Variants in PCID2 observed in about 807,000 individuals in gnomAD.
PCID2 encodes the protein PCI domain-containing protein 2.
A neutral mutation model predicts 61.3 loss-of-function variants in PCID2; 41 were observed. That is an observed-to-expected ratio of 0.67 (90% confidence interval 0.52 to 0.87). The LOEUF (loss-of-function observed/expected upper bound fraction) is 0.87, where lower values mean the gene tolerates loss of function less well. Ranked by LOEUF, PCID2 falls within the 40% of genes least tolerant of loss-of-function variation. The pLI is 0.00. For missense variants in PCID2, 392 were observed against 493.4 expected (o/e 0.79, Z 1.95); for synonymous variants, 187 against 177.8 (o/e 1.05, Z -0.41).
chr13:113,194,460 C>G (rs749056434), intron 6 of PCID2, among the ~76,000 whole-genome samples: 1 of 152,126 alleles, frequency 6.6e-6, no homozygotes, highest in East Asian at 1.9e-4. Flanking sequence ...ATAGCCATGC[C>G]GGCCTGACAA....
chr13:113,178,175 C>A lies in PCID2; in HGVS notation c.*23G>T. 1.3e-6 allele frequency: 2 copies of A among 1,580,716 alleles called. No homozygotes were observed. Among genetic ancestry groups the A allele is most frequent in the Non-Finnish European group, 1.7e-6 (2 of 1,150,274 alleles). Reference sequence around the variant, plus strand: ...AAGTGGAAAGAAACAACTGCTCACCCGTCCTCGGGGCTCCGTGTACTTTCA... The same window carrying A: ...AAGTGGAAAGAAACAACTGCTCACCAGTCCTCGGGGCTCCGTGTACTTTCA... On this transcript the variant is annotated 3_prime_UTR_variant, in exon 14 of 14. Coordinates refer to ENST00000337344, the MANE Select transcript of PCID2 (RefSeq NM_001127202.4).
intron 1 of PCID2, chr13:113,208,235 A>C (rs143953654): frequency 5.4e-6 from 8 of 1,469,578 alleles, no homozygotes; most frequent in Non-Finnish European, 6.3e-6. Context: ...CATCCGACAC[A>C]GCACCGCCCA....
intron 8 of PCID2, 53 bp from the exon 9 acceptor site, chr13:113,184,540 GCAAAA>G: frequency 1.8e-6 from 2 of 1,082,352 alleles, no homozygotes; most frequent in African/African-American, 1.6e-5. Flanking sequence ...AAAACAGGTG[GCAAAA>G]CAAATTACTA....
At chr13:113,208,044 T>C in intron 1 of PCID2, 1 of 1,612,850 alleles carries the variant, frequency 6.2e-7, no homozygotes, top group Non-Finnish European at 8.5e-7. Flanking sequence ...ACAACATCTG[T>C]CAGACGCATG....
chr13:113,196,619 A>T (rs2039034944), intron 4 of PCID2, among the ~76,000 whole-genome samples: 1 of 152,252 alleles, frequency 6.6e-6, no homozygotes, highest in Admixed American at 6.5e-5. Flanking sequence ...GCTGTGAGCA[A>T]ATAGCCCAAC....
chr13:113,200,642 C>A, intron 1 of PCID2, 126 bp from the exon 2 acceptor site: 6 of 567,942 alleles, frequency 1.1e-5, no homozygotes, highest in South Asian at 1.9e-5. Flanking sequence ...GAAGACAGAA[C>A]AATCAAAATG....
chr13:113,170,611 A>T, the PCID2 span: 1 of 904,354 alleles, frequency 1.1e-6, no homozygotes. Context: ...CAAATTTAAA[A>T]CTGGACTGTT....
intron 7 of PCID2, among the ~76,000 whole-genome samples, chr13:113,189,955 G>A (rs1011914489): frequency 2.0e-5 from 3 of 151,858 alleles, no homozygotes; most frequent in South Asian, 2.1e-4. Context: ...CCCAGGAGGC[G>A]GAGGTTGCAG....
rs1595137989 is a variant in PCID2, at chr13:113,177,941, AAAG to A, written c.*254_*256del. The A allele has an allele frequency of 3.3e-6, 1 of 306,436 alleles. No individual in the cohort carries two copies. The highest frequency in any genetic ancestry group is 6.7e-5 in the East Asian group (1 of 14,974). 19.0% of individuals were successfully genotyped at this position (306,436 alleles called of 1,614,324 possible). A position where few individuals can be genotyped will look rare whatever the true frequency, so the allele number is the denominator to read the frequency against. ...GCAGCCTTCACGCAAAGCCTCCTTC[AAAG>A]AAGTCTCACAAAGACTCCAGAACCA... On this transcript the variant is annotated 3_prime_UTR_variant, in exon 14 of 14. Transcript: ENST00000337344.
chr13:113,195,168 C>T, intron 5 of PCID2, 43 bp from the exon 6 acceptor site: 1 of 1,226,968 alleles, frequency 8.2e-7, no homozygotes, highest in South Asian at 1.2e-5. Context: ...GCTACGTGGG[C>T]CAAGATTCCA....
At position 113,179,814 on chromosome 13, in the gene PCID2, C is replaced by A. The variant is rs2037460368; in HGVS notation, c.986+103G>T. The A allele has an allele frequency of 1.7e-6, 2 of 1,164,550 alleles. No individual in the cohort carries two copies. Among genetic ancestry groups the A allele is most frequent in the East Asian group, 5.1e-5 (2 of 38,954 alleles). 72.1% of individuals were successfully genotyped at this position (1,164,550 alleles called of 1,614,324 possible). A position where few individuals can be genotyped will look rare whatever the true frequency, so the allele number is the denominator to read the frequency against. On this transcript the variant is annotated intron_variant, in intron 12 of 13. Transcript: ENST00000337344. The surrounding 1 kb of genome is among the most constrained non-coding windows in gnomAD (Gnocchi z 4.3). The stretch of plus-strand genomic sequence containing the variant: ...CACAATGGAAGGAAGATAACGACCC[C>A]ACCCACACGGTGGCCTTCTCTCTTA...
chr13:113,173,988 G>A (rs1216659409), downstream of PCID2, among the ~76,000 whole-genome samples: 3 of 152,142 alleles, frequency 2.0e-5, no homozygotes, highest in African/African-American at 7.2e-5. Flanking sequence ...CAGCACTTTG[G>A]GAGGCTGAGG....
chr13:113,193,904 T>G (rs572181392), intron 6 of PCID2, among the ~76,000 whole-genome samples: 2 of 152,370 alleles, frequency 1.3e-5, no homozygotes, highest in South Asian at 4.1e-4. Context: ...TGCTGAATGT[T>G]TTTTCTCATT....
intron 8 of PCID2, 91 bp downstream of exon 8, chr13:113,185,394 C>A (rs1052770954): frequency 1.1e-6 from 1 of 888,446 alleles, no homozygotes; most frequent in Non-Finnish European, 1.9e-6. Flanking sequence ...ACAAGCAACG[C>A]CAGGGAGGCT....
chr13:113,178,409 G>C, intron 13 of PCID2, 122 bp from the exon 14 acceptor site: 1 of 654,016 alleles, frequency 1.5e-6, no homozygotes, highest in Non-Finnish European at 2.7e-6. Context: ...GTTCAGTTCA[G>C]CGGGAAGACA....
the PCID2 span, chr13:113,170,348 G>C: frequency 9.9e-7 from 1 of 1,005,668 alleles, no homozygotes; most frequent in Non-Finnish European, 1.6e-6. Flanking sequence ...CTATCCAGTA[G>C]ACTTTACTGC....
chr13:113,199,690 G>C (rs1050032538), intron 2 of PCID2, among the ~76,000 whole-genome samples: 2 of 152,142 alleles, frequency 1.3e-5, no homozygotes, highest in Non-Finnish European at 2.9e-5. Context: ...GAGTCTCATC[G>C]AGTCTCTAGC....
intron 5 of PCID2, among the ~76,000 whole-genome samples, chr13:113,195,610 T>C (rs905287625): frequency 6.6e-6 from 1 of 151,490 alleles, no homozygotes. Flanking sequence ...GAGGCTGCAG[T>C]GAGCCAAGAC....
chr13:113,198,248 T>C lies in PCID2; in HGVS notation c.143A>G (p.Glu48Gly). The C allele has an allele frequency of 6.2e-7, 1 of 1,606,496 alleles. No homozygotes were observed. ...GGGTTCCAAGACTTGTTGACACTTC[T>C]CCTCTGGAGAGGCCATCTGATTTTA... is the stretch of plus-strand genomic sequence containing the variant. ...NPRLQMASPE[E>G]KCQQVLEPPY... is the part of the protein sequence containing the mutation. The change falls in exon 3 of 14, where the codon GAG (glutamate) becomes GGG (glycine). Residue 48 changes from glutamate (E) to glycine (G), a missense_variant. By Grantham distance (98) the Glu-to-Gly change is moderately conservative. Coordinates refer to ENST00000337344, the MANE Select transcript of PCID2 (RefSeq NM_001127202.4).
Sources: gnomAD v4.1 joint callset for allele counts (sites outside exome capture counted in the v4.1 genomes callset) on GRCh38, gnomAD v4.1.1 for gene constraint, Gnocchi (gnomAD v3.1) non-coding constraint, MANE v1.5 for transcripts, NCBI Gene and HGNC (gene_info 2026-07-23, HGNC 2026-07-21) for gene names.